The following LRMDA variants were observed in gnomAD, a reference collection of about 807,000 sequenced individuals.
LRMDA encodes the protein leucine rich melanocyte differentiation associated.
LRMDA carries 18 observed loss-of-function variants against 29.8 expected under a neutral mutation model. The ratio of observed to expected loss-of-function variants is 0.60; its 90% CI spans 0.42 to 0.90. LRMDA has a LOEUF of 0.90. LRMDA is among the 40% of genes least tolerant of loss of function. The pLI, the probability that LRMDA is intolerant of heterozygous loss-of-function variation, is 0.00. For missense variants in LRMDA, 273 were observed against 273.9 expected (o/e 1.00, Z 0.02); for synonymous variants, 125 against 109.4 (o/e 1.14, Z -0.89).
rs140954219 is a variant in LRMDA, at chr10:75,446,665, A to T, written c.131+8171A>T. ...TGAATGAGAAATACATCTGTGTTAT[A>T]AGATTTTGGAGTTACTTGTTAATGC... On this transcript the variant is annotated intron_variant, in intron 2 of 6. Coordinates refer to ENST00000611255, the MANE Select transcript of LRMDA (RefSeq NM_001305581.2). Among the ~76,000 whole-genome samples the T allele has an allele frequency of 4.6e-3, 704 of 152,328 alleles. 7 individuals carry two copies. The highest frequency in any genetic ancestry group is 0.016 in the African/African-American group (666 of 41,562).
At chr10:75,662,111 CT>C (rs57920612) in intron 2 of LRMDA, among the ~76,000 whole-genome samples, 2,810 of 146,246 alleles carry the variant, frequency 0.019, 104 homozygotes, top group East Asian at 0.14. Context: ...AATTTAGCTG[CT>C]TTTTTTTTTT....
intron 2 of LRMDA, among the ~76,000 whole-genome samples, chr10:75,976,570 GC>G (rs1847075266): frequency 6.6e-6 from 1 of 152,188 alleles, no homozygotes; most frequent in African/African-American, 2.4e-5. Context: ...CCTGCACCTG[GC>G]AGAGGGGCTG....
chr10:75,940,176 G>T (rs529846523), intron 2 of LRMDA, among the ~76,000 whole-genome samples: 1 of 152,218 alleles, frequency 6.6e-6, no homozygotes, highest in East Asian at 1.9e-4. Flanking sequence ...GGGAGGTAGC[G>T]ATGGTGATGG....
intron 2 of LRMDA, among the ~76,000 whole-genome samples, chr10:75,939,765 G>T (rs892607438): frequency 7.2e-5 from 11 of 152,156 alleles, no homozygotes; most frequent in African/African-American, 2.7e-4. Context: ...GGTGAACTAG[G>T]TAGGTATTTG....
chr10:76,358,415 G>A lies in LRMDA; in HGVS notation c.601+33930G>A, dbSNP rs140911682. On this transcript the variant is annotated intron_variant, in intron 6 of 6. Coordinates refer to ENST00000611255, the MANE Select transcript of LRMDA (RefSeq NM_001305581.2). Reference sequence around the variant, plus strand: ...CCACTGGTGTCAAATTATGCACAGCGTTTCCTCTTGGCATTAAGTGCTTGT... The same window carrying A: ...CCACTGGTGTCAAATTATGCACAGCATTTCCTCTTGGCATTAAGTGCTTGT... 1.7e-3 allele frequency among the ~76,000 whole-genome samples: 254 copies of A among 152,266 alleles called. 1 individual carries two copies. The highest frequency in any genetic ancestry group is 5.8e-3 in the African/African-American group (243 of 41,558).
chr10:75,890,221 A>G (rs1007991580), intron 2 of LRMDA, among the ~76,000 whole-genome samples: 1 of 152,194 alleles, frequency 6.6e-6, no homozygotes, highest in Non-Finnish European at 1.5e-5. Flanking sequence ...GGGAAGAGAC[A>G]TTGGAAAATC....
intron 6 of LRMDA, among the ~76,000 whole-genome samples, chr10:76,338,314 G>A (rs1840994282): frequency 6.6e-6 from 1 of 151,904 alleles, no homozygotes; most frequent in African/African-American, 2.4e-5. Context: ...GATTGAGCCT[G>A]TGAATAGCCA....
chr10:75,617,553 T>C (rs1841119971), intron 2 of LRMDA, among the ~76,000 whole-genome samples: 1 of 152,240 alleles, frequency 6.6e-6, no homozygotes, highest in Non-Finnish European at 1.5e-5. Context: ...CACCGACTAG[T>C]AGAACCAAGT....
At chr10:76,010,071 G>A (rs1011062171) in intron 2 of LRMDA, among the ~76,000 whole-genome samples, 1 of 152,150 alleles carries the variant, frequency 6.6e-6, no homozygotes, top group Non-Finnish European at 1.5e-5. Context: ...TCCCCCTGAA[G>A]GTGGCCGCCT....
chr10:75,970,405 G>A (rs1352426904), intron 2 of LRMDA, among the ~76,000 whole-genome samples: 6 of 152,222 alleles, frequency 3.9e-5, no homozygotes, highest in Admixed American at 3.3e-4. Context: ...TTAAGCCCCA[G>A]CACTTCTACC....
intron 2 of LRMDA, among the ~76,000 whole-genome samples, chr10:75,924,849 C>A (rs1300186645): frequency 6.6e-6 from 1 of 152,160 alleles, no homozygotes; most frequent in Non-Finnish European, 1.5e-5. Flanking sequence ...ATTATATTTT[C>A]CCCCTTTTCT....
At chr10:75,718,050 AT>A (rs913950632) in intron 2 of LRMDA, among the ~76,000 whole-genome samples, 40 of 152,140 alleles carry the variant, frequency 2.6e-4, no homozygotes, top group African/African-American at 8.9e-4. Flanking sequence ...TCTGCTTTTC[AT>A]TTTTTCCTGT....
chr10:76,254,832 A>AT (rs1852561700), intron 5 of LRMDA, among the ~76,000 whole-genome samples: 3 of 151,862 alleles, frequency 2.0e-5, no homozygotes, highest in Admixed American at 2.0e-4. Context: ...ATTTTATTTT[A>AT]GAAGTTACGA....
rs549416366 is a variant in LRMDA at position 76,462,617 on chromosome 10, G to A, written c.602-94592G>A. On this transcript the variant is annotated intron_variant, in intron 6 of 6. Coordinates refer to ENST00000611255, the MANE Select transcript of LRMDA (RefSeq NM_001305581.2). ...CTCCCATAGGTACACAGTTCTTCTG[G>A]CATCCCGCACCATCTTTGCCTGTGC... is the stretch of plus-strand genomic sequence containing the variant. 5.3e-5 allele frequency among the ~76,000 whole-genome samples: 8 copies of A among 152,244 alleles called. No individual in the cohort carries two copies. The East Asian group carries it at 1.5e-3, about 29-fold the overall frequency.
At chr10:76,464,532 A>G (rs1246012948) in intron 6 of LRMDA, among the ~76,000 whole-genome samples, 1 of 152,146 alleles carries the variant, frequency 6.6e-6, no homozygotes, top group Non-Finnish European at 1.5e-5. Flanking sequence ...TTAACTAAGA[A>G]CAATTCATGT....
intron 2 of LRMDA, among the ~76,000 whole-genome samples, chr10:75,932,382 G>A (rs769789241): frequency 6.6e-5 from 10 of 152,170 alleles, no homozygotes; most frequent in Admixed American, 1.3e-4. Context: ...GGAAGCTGAG[G>A]CAGGAGGACA....
chr10:76,111,867 A>G (rs1282345646), intron 5 of LRMDA, among the ~76,000 whole-genome samples: 2 of 152,204 alleles, frequency 1.3e-5, no homozygotes, highest in East Asian at 3.9e-4. Flanking sequence ...AGCCGTTTAA[A>G]TTAGAACCAC....
chr10:75,952,929 A>G (rs1272711851), intron 2 of LRMDA, among the ~76,000 whole-genome samples: 1 of 146,698 alleles, frequency 6.8e-6, no homozygotes, highest in Non-Finnish European at 1.5e-5. Context: ...TACCTTTTGT[A>G]TTTTTAGTAG....
intron 2 of LRMDA, among the ~76,000 whole-genome samples, chr10:75,973,259 G>A (rs12241231): frequency 0.041 from 6,214 of 152,324 alleles, 391 homozygotes; most frequent in African/African-American, 0.13. Context: ...GCAAGTAAGT[G>A]ACAGAGCTGG....
Sources: gnomAD v4.1 joint callset for allele counts (sites outside exome capture counted in the v4.1 genomes callset) on GRCh38, gnomAD v4.1.1 for gene constraint, MANE v1.5 for transcripts, NCBI Gene and HGNC (gene_info 2026-07-23, HGNC 2026-07-21) for gene names.